Variants in IMPG1 observed in about 807,000 individuals in gnomAD.
IMPG1 encodes interphotoreceptor matrix proteoglycan 1, also known as interphotoreceptor matrix proteoglycan of 150 kDa.
In IMPG1, 85 loss-of-function variants were observed where a neutral mutation model predicts 92.0. The observed-to-expected ratio is 0.92, with a 90% confidence interval of 0.78 to 1.11. The LOEUF (loss-of-function observed/expected upper bound fraction) is 1.11. Ranked by LOEUF, IMPG1 falls within the 50% of genes least tolerant of loss-of-function variation. IMPG1 has a pLI of 0.00. For synonymous variants in IMPG1, 367 were observed against 334.1 expected (o/e 1.10, Z -1.08); for missense variants, 1,022 against 956.0 (o/e 1.07, Z -0.91).
intron 12 of IMPG1, among the ~76,000 whole-genome samples, chr6:75,977,473 G>T (rs1782557773): frequency 1.3e-5 from 2 of 151,888 alleles, no homozygotes. Context: ...TGTAATCCCA[G>T]CTACTCGGGA....
intron 12 of IMPG1, among the ~76,000 whole-genome samples, chr6:75,968,914 A>G (rs1782355871): frequency 6.6e-6 from 1 of 152,200 alleles, no homozygotes; most frequent in Non-Finnish European, 1.5e-5. Context: ...CTAGTCTGTG[A>G]TATGAAATCA....
intron 8 of IMPG1, 54 bp from the exon 9 acceptor site, chr6:76,007,554 C>T (rs1582100433): frequency 4.8e-6 from 6 of 1,248,666 alleles, no homozygotes; most frequent in African/African-American, 1.5e-5. Context: ...AATTTAATGA[C>T]ATTTATTGAG....
chr6:75,997,030 C>T (rs1329753913), intron 12 of IMPG1, among the ~76,000 whole-genome samples: 2 of 152,190 alleles, frequency 1.3e-5, no homozygotes, highest in Non-Finnish European at 2.9e-5. Flanking sequence ...TTCTGAAGGA[C>T]ATATTAAGTC....
At chr6:76,005,819 G>GTT (rs890614721) in intron 9 of IMPG1, among the ~76,000 whole-genome samples, 1 of 145,628 alleles carries the variant, frequency 6.9e-6, no homozygotes. Flanking sequence ...TTTACTTTAG[G>GTT]TTTTTTTTTT....
chr6:76,033,228 A>T (rs1783681442), intron 4 of IMPG1, among the ~76,000 whole-genome samples: 1 of 152,170 alleles, frequency 6.6e-6, no homozygotes, highest in Non-Finnish European at 1.5e-5. Flanking sequence ...AAGACTCTGC[A>T]GGTGTGTGTG....
chr6:76,034,018 A>G (rs1345630741), intron 4 of IMPG1, among the ~76,000 whole-genome samples: 1 of 152,180 alleles, frequency 6.6e-6, no homozygotes, highest in Non-Finnish European at 1.5e-5. Flanking sequence ...AACTAGTTTA[A>G]TTTCTCTATT....
At position 75,987,941 on chromosome 6, in the gene IMPG1, C is replaced by T. The variant is rs554125404; in HGVS notation, c.1291+14977G>A. Reference sequence around the variant, plus strand: ...GGATTACAGGCGTGAGCCACCGCACCTGGCCAAACTCATCCTTTTTTATGG... The same window carrying T: ...GGATTACAGGCGTGAGCCACCGCACTTGGCCAAACTCATCCTTTTTTATGG... On this transcript the variant is annotated intron_variant, in intron 12 of 16. Transcript: ENST00000369950. Among the ~76,000 whole-genome samples, 5 of 152,302 alleles carry T rather than the reference C, an allele frequency of 3.3e-5. No individual in the cohort carries two copies. The East Asian group carries it at 9.7e-4, about 29-fold the overall frequency.
chr6:75,980,272 T>C (rs966602248), intron 12 of IMPG1, among the ~76,000 whole-genome samples: 2 of 152,244 alleles, frequency 1.3e-5, no homozygotes, highest in African/African-American at 2.4e-5. Context: ...AACATTTTTC[T>C]GAAAAGACTT....
intron 16 of IMPG1, 133 bp from the exon 17 acceptor site, chr6:75,922,299 A>T (rs192586447): frequency 6.5e-5 from 37 of 568,004 alleles, no homozygotes; most frequent in African/African-American, 6.0e-4. Context: ...GAAATGTTGA[A>T]GATGGCCTCA....
At chr6:75,982,480 C>A (rs983499187) in intron 12 of IMPG1, among the ~76,000 whole-genome samples, 1 of 151,202 alleles carries the variant, frequency 6.6e-6, no homozygotes. Context: ...GCGGAGGTTG[C>A]AGTGAGCTGA....
At chr6:75,973,338 G>A (rs1466370557) in intron 12 of IMPG1, among the ~76,000 whole-genome samples, 1 of 150,304 alleles carries the variant, frequency 6.7e-6, no homozygotes, top group Non-Finnish European at 1.5e-5. Flanking sequence ...AGAGTAGAAG[G>A]AGAGGAAAAT....
chr6:75,924,739 T>TA (rs1389320641), intron 15 of IMPG1, among the ~76,000 whole-genome samples: 1,513 of 59,958 alleles, frequency 0.025, 343 homozygotes, highest in East Asian at 0.12. Flanking sequence ...ATATATAATA[T>TA]ATAATATATA....
At chr6:76,042,476 T>G (rs1419169924) in intron 1 of IMPG1, among the ~76,000 whole-genome samples, 1 of 152,038 alleles carries the variant, frequency 6.6e-6, no homozygotes, top group Non-Finnish European at 1.5e-5. Context: ...ATAATATAAT[T>G]CAAGCAGGGA....
At chr6:76,042,398 C>T (rs1783860751) in intron 1 of IMPG1, among the ~76,000 whole-genome samples, 1 of 152,006 alleles carries the variant, frequency 6.6e-6, no homozygotes, top group Admixed American at 6.6e-5. Context: ...AACCATTTCC[C>T]ACACATCTTT....
chr6:76,058,786 C>T (rs1489278698), intron 1 of IMPG1, among the ~76,000 whole-genome samples: 1 of 152,164 alleles, frequency 6.6e-6, no homozygotes, highest in Non-Finnish European at 1.5e-5. Flanking sequence ...AGTGCAGGAA[C>T]TTGTTTTGTG....
At chr6:76,068,691 AT>A (rs934101363) in intron 1 of IMPG1, among the ~76,000 whole-genome samples, 1 of 151,424 alleles carries the variant, frequency 6.6e-6, no homozygotes, top group African/African-American at 2.4e-5. Flanking sequence ...TAATTTTTAT[AT>A]TTTTAGTATA....
At chr6:75,993,716 C>T (rs1782852995) in intron 12 of IMPG1, among the ~76,000 whole-genome samples, 1 of 152,170 alleles carries the variant, frequency 6.6e-6, no homozygotes, top group African/African-American at 2.4e-5. Context: ...CAATTTTCCA[C>T]ACATGATAAC....
chr6:76,008,504 T>C (rs1783132173), intron 8 of IMPG1, among the ~76,000 whole-genome samples: 1 of 152,182 alleles, frequency 6.6e-6, no homozygotes, highest in African/African-American at 2.4e-5. Context: ...GAAATGTACA[T>C]GCTACAGGCA....
chr6:76,024,419 G>A (rs553468933), intron 5 of IMPG1, among the ~76,000 whole-genome samples: 2 of 152,084 alleles, frequency 1.3e-5, no homozygotes, highest in South Asian at 2.1e-4. Flanking sequence ...TGGGAAGACT[G>A]CAATAGAAAT....
Sources: allele counts gnomAD v4.1 joint callset (sites outside exome capture counted in the v4.1 genomes callset), GRCh38; gene constraint gnomAD v4.1.1; transcripts MANE v1.5; gene names NCBI Gene and HGNC (gene_info 2026-07-23, HGNC 2026-07-21).